Variants in TTC36 observed in about 807,000 individuals in gnomAD.
TTC36 encodes the protein tetratricopeptide repeat protein 36.
TTC36 carries 15 observed loss-of-function variants against 17.5 expected under a neutral mutation model. That is an observed-to-expected ratio of 0.86 (90% CI 0.57 to 1.32). TTC36 has a LOEUF of 1.32. TTC36 is among the 40% of genes most tolerant of loss of function. The pLI is 0.00. For synonymous variants in TTC36, 112 were observed against 109.8 expected, an observed-to-expected ratio of 1.02 and a Z score of -0.13; for missense variants, 292 against 260.9, an observed-to-expected ratio of 1.12 and a Z score of -0.82.
At position 118,530,699 on chromosome 11, in the gene TTC36, G is replaced by A. The variant is rs915971323; in HGVS notation, c.353G>A (p.Arg118Gln). Residue 118 changes from arginine to glutamine, a missense_variant, in exon 3 of 3, where the codon CGG becomes CAG. Physicochemically the swap from Arg to Gln is conservative, Grantham distance 43. Coordinates refer to ENST00000302783, the MANE Select transcript of TTC36 (RefSeq NM_001080441.4). This position sits in a 1 kb window ranked among gnomAD's most constrained non-coding sequence, Gnocchi z 5.8. ...LERAVELSGGRGRAARQSFVQ... is the reference protein window; with the variant it reads ...LERAVELSGGQGRAARQSFVQ... ...CGCGCGGTGGAGCTGAGCGGCGGCCGGGGCCGCGCCGCCCGCCAGAGCTTT... is the reference window on the plus strand; with the variant it reads ...CGCGCGGTGGAGCTGAGCGGCGGCCAGGGCCGCGCCGCCCGCCAGAGCTTT... 3 of 1,477,416 alleles carry A rather than the reference G, an allele frequency of 2.0e-6. No homozygotes were observed. Among genetic ancestry groups the A allele is most frequent in the Non-Finnish European group, 2.7e-6 (3 of 1,123,162 alleles). 91.5% of individuals were successfully genotyped at this position (1,477,416 alleles called of 1,614,324 possible). A position where few individuals can be genotyped will look rare whatever the true frequency, so the allele number is the denominator to read the frequency against.
At position 118,530,113 on chromosome 11, in the gene TTC36, G is replaced by A. The variant is rs1333482637; in HGVS notation, c.308-541G>A. Among the ~76,000 whole-genome samples the A allele has an allele frequency of 6.6e-6, 1 of 152,224 alleles. No individual in the cohort carries two copies. Among genetic ancestry groups the A allele is most frequent in the African/African-American group, 2.4e-5 (1 of 41,460 alleles). The stretch of plus-strand genomic sequence containing the variant: ...GTCCAGGATACAGGGGAGAGAGAAG[G>A]TGTTCTAAAGAAAGCAATGGAAAAG... On this transcript the variant is annotated intron_variant, in intron 2 of 2. Coordinates refer to ENST00000302783, the MANE Select transcript of TTC36 (RefSeq NM_001080441.4). This position sits in a 1 kb window ranked among gnomAD's most constrained non-coding sequence, Gnocchi z 5.8.
In TTC36 at chr11:118,527,498, G is replaced by A. The variant is rs1555056013; in HGVS notation, c.4G>A (p.Gly2Arg). Residue 2 changes from glycine to arginine, a missense_variant, in exon 1 of 3, where the codon GGG becomes AGG. Coordinates refer to ENST00000302783, the MANE Select transcript of TTC36 (RefSeq NM_001080441.4). ...TGGGATTTTGGAGTTGAGCACCATG[G>A]GGACTCCAAATGATCAGGCAGTGCT... is the stretch of plus-strand genomic sequence containing the variant. M[G>R]TPNDQAVLQA... is the part of the protein sequence containing the mutation. The A allele has an allele frequency of 1.5e-5, 25 of 1,613,026 alleles. No individual in the cohort carries two copies. Among genetic ancestry groups the A allele is most frequent in the Non-Finnish European group, 2.1e-5 (25 of 1,179,048 alleles).
Position 118,530,711 on chromosome 11 carries a change from C to A in TTC36, c.365C>A (p.Ala122Asp). 2 of 1,480,934 alleles carry A rather than the reference C, an allele frequency of 1.4e-6. No homozygotes were observed. Among genetic ancestry groups the A allele is most frequent in the Non-Finnish European group, 1.8e-6 (2 of 1,124,950 alleles). 91.7% of individuals were successfully genotyped at this position (1,480,934 alleles called of 1,614,324 possible). The change falls in exon 3 of 3, where the codon GCC becomes GAC. Residue 122 changes from alanine (A) to aspartate (D), a missense_variant. Ala to Asp is a moderately radical substitution (Grantham distance 126, BLOSUM62 -2). Transcript: ENST00000302783. This position sits in a 1 kb window ranked among gnomAD's most constrained non-coding sequence, Gnocchi z 5.8. ...VELSGGRGRA[A>D]RQSFVQRGLL... ...CTGAGCGGCGGCCGGGGCCGCGCCG[C>A]CCGCCAGAGCTTTGTGCAGCGCGGA...
chr11:118,527,697 A>G, intron 1 of TTC36, 85 bp downstream of exon 1: 1 of 931,698 alleles, frequency 1.1e-6, no homozygotes. Context: ...TGGTTTTATA[A>G]GGCCCCTTGT....
In TTC36 at chr11:118,530,667, T is replaced by G; in HGVS notation, c.321T>G (p.Asp107Glu). The G allele has an allele frequency of 6.8e-7, 1 of 1,470,568 alleles. No homozygotes were observed. The highest frequency in any genetic ancestry group is 8.9e-7 in the Non-Finnish European group (1 of 1,119,950). 91.1% of individuals were successfully genotyped at this position (1,470,568 alleles called of 1,614,324 possible). ...TCGGTCCCGCAGGCGCCCTGGAGGA[T>G]CTGGAACGCGCGGTGGAGCTGAGCG... is the stretch of plus-strand genomic sequence containing the variant. Reference protein sequence around the residue: ...LQGDVAGALEDLERAVELSGG... With the variant: ...LQGDVAGALEELERAVELSGG... Residue 107 changes from aspartate to glutamate, a missense_variant, in exon 3 of 3, where the codon GAT (aspartate) becomes GAG (glutamate). Transcript: ENST00000302783. This position sits in a 1 kb window ranked among gnomAD's most constrained non-coding sequence, Gnocchi z 5.8.
Position 118,527,579 on chromosome 11 carries a change from G to A in TTC36, c.85G>A (p.Gly29Arg), listed in dbSNP as rs1421512085. 26 of 1,614,014 alleles carry A rather than the reference G, an allele frequency of 1.6e-5. No homozygotes were observed. Among genetic ancestry groups the A allele is most frequent in the East Asian group, 1.1e-4 (5 of 44,904 alleles). ...TGGAGACATTGTTGGATTGGACCTC[G>A]GAGAGGAAGCAGAAAAGGAAGAACG... ...PFGDIVGLDL[G>R]EEAEKEEREE... The change falls in exon 1 of 3, where the codon GGA becomes AGA. Residue 29 changes from glycine to arginine, a missense_variant. Coordinates refer to ENST00000302783, the MANE Select transcript of TTC36 (RefSeq NM_001080441.4).
chr11:118,530,261 T>C lies in TTC36; in HGVS notation c.308-393T>C, dbSNP rs1166548237. 6.6e-6 allele frequency among the ~76,000 whole-genome samples: 1 copy of C among 152,266 alleles called. No homozygotes were observed. Among genetic ancestry groups the C allele is most frequent in the Admixed American group, 6.5e-5 (1 of 15,284 alleles). ...TCAGAGTCAGTCACCTGGCACATAGTGGATGCTTAATAACAGGTGTGGAAT... is the reference window on the plus strand; with the variant it reads ...TCAGAGTCAGTCACCTGGCACATAGCGGATGCTTAATAACAGGTGTGGAAT... On this transcript the variant is annotated intron_variant, in intron 2 of 2. Coordinates refer to ENST00000302783, the MANE Select transcript of TTC36 (RefSeq NM_001080441.4). The surrounding 1 kb of genome is among the most constrained non-coding windows in gnomAD (Gnocchi z 5.8).
Position 118,530,571 on chromosome 11 carries a change from G to C in TTC36, c.308-83G>C. ...AGCCGCAAGAACCACGGTGATCCGCGCGGCCGCAGGTGGGCTGGGGCTCGG... is the reference window on the plus strand; with the variant it reads ...AGCCGCAAGAACCACGGTGATCCGCCCGGCCGCAGGTGGGCTGGGGCTCGG... On this transcript the variant is annotated intron_variant, in intron 2 of 2. Transcript: ENST00000302783. The surrounding 1 kb of genome is among the most constrained non-coding windows in gnomAD (Gnocchi z 5.8). 7.5e-7 allele frequency: 1 copy of C among 1,333,978 alleles called. No homozygotes were observed. The highest frequency in any genetic ancestry group is 3.2e-5 in the East Asian group (1 of 31,694). 82.6% of individuals were successfully genotyped at this position (1,333,978 alleles called of 1,614,324 possible).
At position 118,530,750 on chromosome 11, in the gene TTC36, T is replaced by A. The variant is rs1951205867; in HGVS notation, c.404T>A (p.Leu135Gln). 5 of 1,503,734 alleles carry A rather than the reference T, an allele frequency of 3.3e-6. No individual in the cohort carries two copies. Among genetic ancestry groups the A allele is most frequent in the Non-Finnish European group, 4.4e-6 (5 of 1,135,596 alleles). The allele number at this position is 1,503,734 out of a possible 1,614,324, so 93.1% of individuals were successfully genotyped here. Residue 135 changes from leucine (L) to glutamine (Q), a missense_variant, in exon 3 of 3, where the codon CTG (leucine) becomes CAG (glutamine). Transcript: ENST00000302783. The surrounding 1 kb of genome is among the most constrained non-coding windows in gnomAD (Gnocchi z 5.8). ...GTGCAGCGCGGACTCCTGGCGCGGC[T>A]GCAGGGCCGAGACGACGACGCCCGC... ...SFVQRGLLARLQGRDDDARRD... is the reference protein window; with the variant it reads ...SFVQRGLLARQQGRDDDARRD...
At position 118,530,312 on chromosome 11, in the gene TTC36, G is replaced by A. The variant is rs1182951119; in HGVS notation, c.308-342G>A. On this transcript the variant is annotated intron_variant, in intron 2 of 2. Coordinates refer to ENST00000302783, the MANE Select transcript of TTC36 (RefSeq NM_001080441.4). This position sits in a 1 kb window ranked among gnomAD's most constrained non-coding sequence, Gnocchi z 5.8. ...AAATTGGCTGCTACTTGCCCGGGCA[G>A]TGGGCCAGACTCATAAACATAGTGG... Among the ~76,000 whole-genome samples, 1 of 152,258 alleles carries A rather than the reference G, an allele frequency of 6.6e-6. No individual in the cohort carries two copies. The highest frequency in any genetic ancestry group is 1.5e-5 in the Non-Finnish European group (1 of 68,048).
chr11:118,527,593 A>G lies in TTC36; in HGVS notation c.99A>G (p.Glu33=), dbSNP rs782447102. The change falls in exon 1 of 3, where the codon GAA becomes GAG. Residue 33 remains glutamate (E), a synonymous_variant. Coordinates refer to ENST00000302783, the MANE Select transcript of TTC36 (RefSeq NM_001080441.4). ...IVGLDLGEEA[E]KEEREEDEVF... ...GATTGGACCTCGGAGAGGAAGCAGA[A>G]AAGGAAGAACGAGAAGAAGGTGGGC... is the stretch of plus-strand genomic sequence containing the variant. 1.5e-5 allele frequency: 24 copies of G among 1,613,962 alleles called. No homozygotes were observed.
intron 1 of TTC36, chr11:118,528,132 C>G (rs1951120115): frequency 2.7e-6 from 1 of 369,034 alleles, no homozygotes; most frequent in Non-Finnish European, 5.3e-6. Context: ...AGGAGTAAAG[C>G]CTACACCTTA....
chr11:118,530,600 A>C lies in TTC36; in HGVS notation c.308-54A>C. On this transcript the variant is annotated intron_variant, in intron 2 of 2. Transcript: ENST00000302783. The surrounding 1 kb of genome is among the most constrained non-coding windows in gnomAD (Gnocchi z 5.8). ...CCGCAGGTGGGCTGGGGCTCGGGCA[A>C]GGCCGCCCTGGCCTCCGCTGACCCC... 1 of 1,368,674 alleles carries C rather than the reference A, an allele frequency of 7.3e-7. No homozygotes were observed. The highest frequency in any genetic ancestry group is 1.5e-5 in the African/African-American group (1 of 65,034). 84.8% of individuals were successfully genotyped at this position (1,368,674 alleles called of 1,614,324 possible).
rs1466125531 is a variant in TTC36, at chr11:118,530,481, G to GT, written c.308-172dup. 2.1e-5 allele frequency: 15 copies of GT among 699,816 alleles called. No individual in the cohort carries two copies. The highest frequency in any genetic ancestry group is 2.9e-5 in the Non-Finnish European group (14 of 476,002). 43.4% of individuals were successfully genotyped at this position (699,816 alleles called of 1,614,324 possible). ...TAACTCTTCCACAGTCTTCATCTGTGTAATGGGAATAACGATCCGTACCTC... is the reference window on the plus strand; with the variant it reads ...TAACTCTTCCACAGTCTTCATCTGTGTTAATGGGAATAACGATCCGTACCTC... On this transcript the variant is annotated intron_variant, in intron 2 of 2. Transcript: ENST00000302783. The surrounding 1 kb of genome is among the most constrained non-coding windows in gnomAD (Gnocchi z 5.8).
In TTC36 at chr11:118,530,305, C is replaced by G. The variant is rs1951186748; in HGVS notation, c.308-349C>G. On this transcript the variant is annotated intron_variant, in intron 2 of 2. Coordinates refer to ENST00000302783, the MANE Select transcript of TTC36 (RefSeq NM_001080441.4). This position sits in a 1 kb window ranked among gnomAD's most constrained non-coding sequence, Gnocchi z 5.8. ...GTGGAATAAATTGGCTGCTACTTGC[C>G]CGGGCAGTGGGCCAGACTCATAAAC... is the stretch of plus-strand genomic sequence containing the variant. 6.6e-6 allele frequency among the ~76,000 whole-genome samples: 1 copy of G among 152,224 alleles called. No individual in the cohort carries two copies. The highest frequency in any genetic ancestry group is 2.1e-4 in the South Asian group (1 of 4,832).
chr11:118,530,525 T>C lies in TTC36; in HGVS notation c.308-129T>C, dbSNP rs1565327039. 2.8e-6 allele frequency: 3 copies of C among 1,082,302 alleles called. No individual in the cohort carries two copies. The highest frequency in any genetic ancestry group is 2.4e-6 in the Non-Finnish European group (2 of 823,330). 67.0% of individuals were successfully genotyped at this position (1,082,302 alleles called of 1,614,324 possible). ...GTACCTCTAGCAGGTGCGAGGCGGGTTGTAAATGGCCACGCCCGGGAGCCG... is the reference window on the plus strand; with the variant it reads ...GTACCTCTAGCAGGTGCGAGGCGGGCTGTAAATGGCCACGCCCGGGAGCCG... On this transcript the variant is annotated intron_variant, in intron 2 of 2. Transcript: ENST00000302783. This position sits in a 1 kb window ranked among gnomAD's most constrained non-coding sequence, Gnocchi z 5.8.
In TTC36 at chr11:118,528,784, C is replaced by T. The variant is rs373359165; in HGVS notation, c.300C>T (p.Asp100=). The change falls in exon 2 of 3, where the codon GAC becomes GAT. Residue 100 remains aspartate, a synonymous_variant. Transcript: ENST00000302783. The stretch of plus-strand genomic sequence containing the variant: ...CCCAGGCCCGGCGACTCCAGGGAGA[C>T]GTGGCAGGTAAGGGGAGATGCCCTG... ...NRAQARRLQG[D]VAGALEDLER... is the part of the protein sequence containing the mutation. The T allele has an allele frequency of 1.2e-5, 20 of 1,605,912 alleles. No individual in the cohort carries two copies. The highest frequency in any genetic ancestry group is 7.8e-5 in the South Asian group (7 of 89,626).
At chr11:118,529,350 C>T (rs1555056690) in intron 2 of TTC36, among the ~76,000 whole-genome samples, 1 of 152,156 alleles carries the variant, frequency 6.6e-6, no homozygotes. Context: ...GGAGGCAGGG[C>T]AGACACATAA....
chr11:118,528,313 C>T (rs1253897711), intron 1 of TTC36, among the ~76,000 whole-genome samples: 4 of 152,158 alleles, frequency 2.6e-5, no homozygotes, highest in Non-Finnish European at 5.9e-5. Context: ...TGAGGCCATA[C>T]ACAAAGAACT....
Sources: gnomAD v4.1 joint callset for allele counts (sites outside exome capture counted in the v4.1 genomes callset) on GRCh38, gnomAD v4.1.1 for gene constraint, Gnocchi (gnomAD v3.1) non-coding constraint, MANE v1.5 for transcripts, NCBI Gene and HGNC (gene_info 2026-07-23, HGNC 2026-07-21) for gene names.